Variants in XKR9 observed in about 807,000 individuals in gnomAD.
The protein encoded by XKR9 is XK-related protein 9.
A neutral mutation model predicts 32.0 loss-of-function variants in XKR9; 32 were observed. The observed-to-expected ratio is 1.00, with a 90% CI of 0.76 to 1.34. XKR9 has a LOEUF of 1.34. Ranked by LOEUF, XKR9 falls within the 40% of genes most tolerant of loss-of-function variation. The pLI is 0.00. For synonymous variants in XKR9, 168 were observed against 143.4 expected (o/e 1.17, Z -1.22); for missense variants, 546 against 429.7 (o/e 1.27, Z -2.39).
At chr8:71,060,223 T>A in the XKR9 span, among the ~76,000 whole-genome samples, 2 of 152,228 alleles carry the variant, frequency 1.3e-5, no homozygotes, top group African/African-American at 4.8e-5. Context: ...CCTGTTCTTT[T>A]GTGGAGATGC....
intron 4 of XKR9, among the ~76,000 whole-genome samples, chr8:70,714,190 A>G (rs983485416): frequency 3.9e-5 from 6 of 152,106 alleles, no homozygotes; most frequent in Admixed American, 6.6e-5. Flanking sequence ...AAACTTATTT[A>G]TTTAACTTTA....
At chr8:70,695,687 A>G (rs1805245323) in intron 3 of XKR9, among the ~76,000 whole-genome samples, 1 of 151,938 alleles carries the variant, frequency 6.6e-6, no homozygotes, top group East Asian at 1.9e-4. Flanking sequence ...CTTTGGGTAT[A>G]TACTCAGTAA....
chr8:70,975,832 C>T, the XKR9 span, among the ~76,000 whole-genome samples: 1 of 152,070 alleles, frequency 6.6e-6, no homozygotes, highest in East Asian at 1.9e-4. Flanking sequence ...TTACCTTGGG[C>T]AGTATGGCCA....
the XKR9 span, among the ~76,000 whole-genome samples, chr8:71,019,863 A>G: frequency 6.6e-6 from 1 of 152,220 alleles, no homozygotes; most frequent in Admixed American, 6.5e-5. Context: ...AGCCGTATAT[A>G]TAGTAATAGT....
chr8:70,696,055 T>G (rs1376915858), intron 3 of XKR9, among the ~76,000 whole-genome samples: 1 of 151,674 alleles, frequency 6.6e-6, no homozygotes, highest in Non-Finnish European at 1.5e-5. Context: ...TAAATTTGTT[T>G]GAGTTCATTG....
At chr8:71,032,823 G>A in the XKR9 span, among the ~76,000 whole-genome samples, 2 of 152,116 alleles carry the variant, frequency 1.3e-5, no homozygotes, top group East Asian at 1.9e-4. Flanking sequence ...AGTGGCTCAC[G>A]CCTGTAATCC....
chr8:70,873,522 T>C, the XKR9 span, among the ~76,000 whole-genome samples: 1 of 152,190 alleles, frequency 6.6e-6, no homozygotes, highest in African/African-American at 2.4e-5. Flanking sequence ...CTTTCAGGGA[T>C]TCAAGGCTTC....
At chr8:70,849,619 G>C in the XKR9 span, among the ~76,000 whole-genome samples, 1 of 152,228 alleles carries the variant, frequency 6.6e-6, no homozygotes, top group East Asian at 1.9e-4. Flanking sequence ...TAAGAGCAGA[G>C]CAGAACTGAA....
chr8:70,738,603 A>G (rs1001204594), downstream of XKR9, among the ~76,000 whole-genome samples: 1 of 151,780 alleles, frequency 6.6e-6, no homozygotes, highest in Non-Finnish European at 1.5e-5. Flanking sequence ...TCTTGTGGGC[A>G]TTTAGTGCTA....
chr8:70,761,315 T>A (rs1042095094), intron 2 of XKR9, among the ~76,000 whole-genome samples: 4 of 152,196 alleles, frequency 2.6e-5, no homozygotes, highest in African/African-American at 9.6e-5. Context: ...TTGAACTAAT[T>A]TACACTCCCA....
Position 70,784,466 on chromosome 8 carries a change from G to T in XKR9, n.353-4873G>T, listed in dbSNP as rs527831439. Among the ~76,000 whole-genome samples the T allele has an allele frequency of 2.6e-5, 4 of 151,876 alleles. No individual in the cohort carries two copies. In the East Asian group the frequency reaches 7.8e-4, roughly 29 times the overall value. On this transcript the variant is annotated intron_variant and non_coding_transcript_variant, in intron 2 of 3. Coordinates refer to the XKR9 transcript ENST00000520273. ...CTTTTTTTGTACCTATTGTAAGTGG[G>T]ATTGTTCTCTTTAATTCTTTCTGGT...
intron 2 of XKR9, among the ~76,000 whole-genome samples, chr8:70,777,117 C>T (rs966685161): frequency 2.0e-5 from 3 of 151,548 alleles, no homozygotes; most frequent in Admixed American, 2.0e-4. Context: ...AGACCCCACC[C>T]CGTGACTGGC....
the XKR9 span, among the ~76,000 whole-genome samples, chr8:70,862,179 A>C: frequency 1.3e-5 from 2 of 152,166 alleles, no homozygotes; most frequent in Non-Finnish European, 2.9e-5. Flanking sequence ...GAACAAAGTC[A>C]ACTGAATATT....
chr8:70,815,726 C>T, the XKR9 span, among the ~76,000 whole-genome samples: 240 of 152,028 alleles, frequency 1.6e-3, no homozygotes, highest in Non-Finnish European at 2.9e-3. Flanking sequence ...GGGATTTCAC[C>T]GTGTTAGCCA....
chr8:70,794,619 T>G (rs1807805042), downstream of XKR9, among the ~76,000 whole-genome samples: 1 of 152,110 alleles, frequency 6.6e-6, no homozygotes, highest in Admixed American at 6.6e-5. Context: ...TGTGTAGTTT[T>G]AAACTGTCAT....
intron 2 of XKR9, among the ~76,000 whole-genome samples, chr8:70,776,321 C>A (rs963400458): frequency 2.0e-5 from 3 of 152,094 alleles, no homozygotes; most frequent in African/African-American, 7.2e-5. Flanking sequence ...ATGTCTGTTT[C>A]AACTAAGCAA....
At chr8:70,878,382 C>T in the XKR9 span, among the ~76,000 whole-genome samples, 4 of 151,936 alleles carry the variant, frequency 2.6e-5, no homozygotes, top group Non-Finnish European at 5.9e-5. Context: ...AGAGTCAAGC[C>T]CCATCAATGT....
chr8:71,023,066 A>T, the XKR9 span, among the ~76,000 whole-genome samples: 1 of 151,018 alleles, frequency 6.6e-6, no homozygotes, highest in African/African-American at 2.4e-5. Context: ...TCTTAATATC[A>T]TTATTTTGAA....
At chr8:70,942,606 A>T in the XKR9 span, among the ~76,000 whole-genome samples, 1 of 152,172 alleles carries the variant, frequency 6.6e-6, no homozygotes. Context: ...AATGTGTGCC[A>T]GCATTGGACA....
Sources: gnomAD v4.1 joint callset for allele counts (sites outside exome capture counted in the v4.1 genomes callset) on GRCh38, gnomAD v4.1.1 for gene constraint, MANE v1.5 for transcripts, NCBI Gene and HGNC (gene_info 2026-07-23, HGNC 2026-07-21) for gene names.